TRIO: variants seen among roughly 807,000 people sequenced by gnomAD.
The protein encoded by TRIO is trio Rho guanine nucleotide exchange factor.
TRIO carries 58 observed loss-of-function variants against 351.9 expected under a neutral mutation model. That is an observed-to-expected ratio of 0.16 (90% CI 0.13 to 0.21). The LOEUF (loss-of-function observed/expected upper bound fraction) is 0.21. Ranked by LOEUF, TRIO falls within the 10% of genes least tolerant of loss-of-function variation. The probability of loss-of-function intolerance (pLI) is 1.00; values close to 1 mark genes in which losing one functional copy is unlikely to be tolerated. For synonymous variants in TRIO, 1,758 were observed against 1,595.7 expected, an observed-to-expected ratio of 1.10 and a Z score of -2.42; for missense variants, 3,201 against 4,027.8, an observed-to-expected ratio of 0.79 and a Z score of 5.56.
chr5:14,506,215 G>A (rs952249902), intron 55 of TRIO, among the ~76,000 whole-genome samples: 4 of 152,224 alleles, frequency 2.6e-5, no homozygotes, highest in African/African-American at 7.2e-5. Flanking sequence ...TTCGTTTCTG[G>A]ACTGACATTT....
intron 33 of TRIO, among the ~76,000 whole-genome samples, chr5:14,417,105 G>A (rs1749712765): frequency 6.6e-6 from 1 of 152,240 alleles, no homozygotes; most frequent in Non-Finnish European, 1.5e-5. Context: ...CACTCCATGA[G>A]TGTGGTTCTA....
intron 13 of TRIO, 40 bp downstream of exon 13, chr5:14,359,571 C>T (rs1250413002): frequency 1.2e-6 from 2 of 1,601,898 alleles, no homozygotes; most frequent in Admixed American, 3.4e-5. Flanking sequence ...CCTGTGGGAG[C>T]CCTTGGCTTC....
intron 56 of TRIO, 107 bp from the exon 57 acceptor site, chr5:14,507,773 A>G (rs1365429965): frequency 2.5e-5 from 34 of 1,374,916 alleles, no homozygotes; most frequent in Non-Finnish European, 3.1e-5. Flanking sequence ...GGCTTGTCCT[A>G]GTTGACATCC....
chr5:14,340,844 T>C (rs1336292448), intron 11 of TRIO, among the ~76,000 whole-genome samples: 1 of 152,132 alleles, frequency 6.6e-6, no homozygotes, highest in Non-Finnish European at 1.5e-5. Flanking sequence ...GGGATGCATT[T>C]TACCTAGGGG....
At chr5:14,351,828 T>C (rs1314001624) in intron 11 of TRIO, among the ~76,000 whole-genome samples, 1 of 152,118 alleles carries the variant, frequency 6.6e-6, no homozygotes, top group East Asian at 1.9e-4. Flanking sequence ...CACAGAGAGG[T>C]TGCAGCTGGA....
Position 14,291,144 on chromosome 5 carries a change from G to C in TRIO, c.969G>C (p.Gln323His), listed in dbSNP as rs540383553. 2 of 1,614,044 alleles carry C rather than the reference G, an allele frequency of 1.2e-6. No homozygotes were observed. The highest frequency in any genetic ancestry group is 2.7e-5 in the African/African-American group (2 of 74,892). Residue 323 changes from glutamine (Q) to histidine (H), a missense_variant, in exon 5 of 57, where the codon CAG becomes CAC. This residue lies in a region of TRIO where 349 missense variants were observed against 449.3 expected (regional missense o/e 0.78). Coordinates refer to ENST00000344204, the MANE Select transcript of TRIO (RefSeq NM_007118.4). ...TGGACCGGCTGCACTCGACACGGCAGCATCTGCACCAGATGTGGCATGTGA... is the reference window on the plus strand; with the variant it reads ...TGGACCGGCTGCACTCGACACGGCACCATCTGCACCAGATGTGGCATGTGA... ...TMLDRLHSTR[Q>H]HLHQMWHVRK... is the part of the protein sequence containing the mutation.
intron 32 of TRIO, 150 bp from the exon 33 acceptor site, chr5:14,406,423 T>C: frequency 1.4e-6 from 1 of 718,230 alleles, no homozygotes; most frequent in Non-Finnish European, 2.5e-6. Flanking sequence ...AAGCCTGTGC[T>C]CGGTGAAGGG....
At chr5:14,266,432 C>G (rs1268155313) in intron 1 of TRIO, among the ~76,000 whole-genome samples, 6 of 152,146 alleles carry the variant, frequency 3.9e-5, no homozygotes, top group African/African-American at 1.2e-4. Context: ...TGTCCTCTGG[C>G]AAATTGGCTG....
At chr5:14,240,667 C>T (rs145632941) in intron 1 of TRIO, among the ~76,000 whole-genome samples, 11 of 152,330 alleles carry the variant, frequency 7.2e-5, no homozygotes, top group Non-Finnish European at 1.6e-4. Flanking sequence ...AGAAGACTTG[C>T]TGCCTTCTCC....
At chr5:14,209,923 G>A (rs1791777704) in intron 1 of TRIO, among the ~76,000 whole-genome samples, 1 of 152,216 alleles carries the variant, frequency 6.6e-6, no homozygotes, top group Non-Finnish European at 1.5e-5. Context: ...CCCCCAGAAT[G>A]GGGTCCCCAG....
chr5:14,498,276 G>A (rs770990577), intron 52 of TRIO, 25 bp downstream of exon 52: 6 of 1,606,564 alleles, frequency 3.7e-6, no homozygotes, highest in African/African-American at 2.7e-5. Context: ...CTCCTGGTGG[G>A]TTTCGCTGGC....
At chr5:14,338,119 A>G (rs1367464468) in intron 11 of TRIO, among the ~76,000 whole-genome samples, 1 of 152,126 alleles carries the variant, frequency 6.6e-6, no homozygotes, top group Non-Finnish European at 1.5e-5. Context: ...TTTCCCACTC[A>G]TTGTGAACCG....
intron 33 of TRIO, among the ~76,000 whole-genome samples, chr5:14,417,041 C>A (rs571663618): frequency 6.6e-6 from 1 of 152,212 alleles, no homozygotes; most frequent in Non-Finnish European, 1.5e-5. Context: ...GCCTGCAGAC[C>A]GGTCCTGTGT....
At chr5:14,345,178 C>T (rs1742305477) in intron 11 of TRIO, among the ~76,000 whole-genome samples, 1 of 152,074 alleles carries the variant, frequency 6.6e-6, no homozygotes, top group Non-Finnish European at 1.5e-5. Flanking sequence ...CATCGGATCA[C>T]TATTTTCAAG....
chr5:14,481,407 C>A, intron 44 of TRIO, 123 bp downstream of exon 44: 1 of 1,471,626 alleles, frequency 6.8e-7, no homozygotes, highest in Non-Finnish European at 9.4e-7. Flanking sequence ...CAGAGTCTCT[C>A]CAGTGCATCT....
intron 11 of TRIO, among the ~76,000 whole-genome samples, chr5:14,352,362 ACT>A (rs1743214810): frequency 6.6e-6 from 1 of 152,052 alleles, no homozygotes; most frequent in South Asian, 2.1e-4. Flanking sequence ...ATAGGACACA[ACT>A]CTCTTGCTGC....
chr5:14,476,795 AAAAAAAAAG>A, intron 40 of TRIO, 90 bp from the exon 41 acceptor site: 2 of 1,115,254 alleles, frequency 1.8e-6, no homozygotes, highest in South Asian at 1.5e-5. Context: ...CTCTCTCAAA[AAAAAAAAAG>A]AAAAAAAGAA....
Position 14,391,083 on chromosome 5 carries a change from A to G in TRIO, c.4218+93A>G, listed in dbSNP as rs1747043530. The G allele has an allele frequency of 4.3e-5, 40 of 926,860 alleles. 1 individual carries two copies. The highest frequency in any genetic ancestry group is 2.3e-4 in the Middle Eastern group (1 of 4,260). The allele number at this position is 926,860 out of a possible 1,614,324, so 57.4% of individuals were successfully genotyped here. ...TAACTTTCACCTAATTGATAGTACA[A>G]TGTTTTCATTTTTGTCTATCATTTT... On this transcript the variant is annotated intron_variant, in intron 27 of 56. Coordinates refer to ENST00000344204, the MANE Select transcript of TRIO (RefSeq NM_007118.4).
chr5:14,503,575 C>T (rs920359263), intron 54 of TRIO, among the ~76,000 whole-genome samples: 4 of 152,216 alleles, frequency 2.6e-5, no homozygotes, highest in African/African-American at 9.6e-5. Context: ...TGGGCTCCCC[C>T]ACGTGAGGGC....
Sources: gnomAD v4.1 joint callset for allele counts (sites outside exome capture counted in the v4.1 genomes callset) on GRCh38, gnomAD v4.1.1 for gene constraint, gnomAD v4.1.1 regional missense constraint, MANE v1.5 for transcripts, NCBI Gene and HGNC (gene_info 2026-07-23, HGNC 2026-07-21) for gene names.